SLC26A7: variants seen among roughly 807,000 people sequenced by gnomAD.
SLC26A7 encodes anion exchange transporter.
A neutral mutation model predicts 82.5 loss-of-function variants in SLC26A7; 59 were observed. The observed-to-expected ratio is 0.72, with a 90% CI of 0.58 to 0.89. SLC26A7 has a LOEUF of 0.89. Ranked by LOEUF, SLC26A7 falls within the 40% of genes least tolerant of loss-of-function variation. The probability of loss-of-function intolerance (pLI) is 0.00; values close to 1 mark genes in which losing one functional copy is unlikely to be tolerated. For synonymous variants in SLC26A7, 271 were observed against 274.3 expected (o/e 0.99, Z 0.12); for missense variants, 820 against 793.0 (o/e 1.03, Z -0.41).
chr8:91,327,212 GT>G (rs1812958068), intron 5 of SLC26A7, among the ~76,000 whole-genome samples: 1 of 151,980 alleles, frequency 6.6e-6, no homozygotes, highest in South Asian at 2.1e-4. Flanking sequence ...TTTTTTGTTT[GT>G]TTGTTGGTTT....
chr8:91,222,248 T>A (rs1467808299), intron 2 of SLC26A7, among the ~76,000 whole-genome samples: 1 of 152,178 alleles, frequency 6.6e-6, no homozygotes, highest in Non-Finnish European at 1.5e-5. Context: ...TGAAGTTGCT[T>A]ATCAGTTCAA....
intron 18 of SLC26A7, 131 bp from the exon 19 acceptor site, chr8:91,394,931 T>A (rs11986042): frequency 0.028 from 29,644 of 1,069,676 alleles, 494 homozygotes; most frequent in Middle Eastern, 0.034. Context: ...TCTACTCTGA[T>A]GCCTCATAAA....
chr8:91,320,398 A>G (rs1349110618), intron 5 of SLC26A7, among the ~76,000 whole-genome samples: 2 of 152,228 alleles, frequency 1.3e-5, no homozygotes, highest in Non-Finnish European at 2.9e-5. Context: ...TTGATGGAAA[A>G]TGGAAAAAAA....
chr8:91,362,530 A>C (rs1814078891), intron 12 of SLC26A7, 71 bp downstream of exon 12: 4 of 1,098,726 alleles, frequency 3.6e-6, no homozygotes, highest in Non-Finnish European at 5.4e-6. Context: ...GCCATATGGT[A>C]CTTGCTAGTT....
chr8:91,320,670 A>G (rs1812766159), intron 5 of SLC26A7, among the ~76,000 whole-genome samples: 1 of 152,184 alleles, frequency 6.6e-6, no homozygotes, highest in Non-Finnish European at 1.5e-5. Flanking sequence ...TTTAAGTGTT[A>G]CATAAAGAAG....
At chr8:91,366,507 AC>A in intron 13 of SLC26A7, 72 bp from the exon 14 acceptor site, 3 of 1,492,376 alleles carry the variant, frequency 2.0e-6, no homozygotes, top group Non-Finnish European at 1.8e-6. Flanking sequence ...AAATTGAGTG[AC>A]ATTTAGATCT....
At chr8:91,251,982 A>T (rs901161976) in intron 2 of SLC26A7, among the ~76,000 whole-genome samples, 1 of 152,172 alleles carries the variant, frequency 6.6e-6, no homozygotes, top group Non-Finnish European at 1.5e-5. Flanking sequence ...TAGGATACAG[A>T]GTAAGGAAGG....
At chr8:91,296,868 G>A (rs1812030997) in intron 4 of SLC26A7, among the ~76,000 whole-genome samples, 1 of 152,080 alleles carries the variant, frequency 6.6e-6, no homozygotes, top group Non-Finnish European at 1.5e-5. Context: ...TCTGAGGCTT[G>A]CACAGACAGG....
intron 11 of SLC26A7, among the ~76,000 whole-genome samples, 193 bp from the exon 12 acceptor site, chr8:91,362,160 C>T (rs1348466155): frequency 1.3e-5 from 2 of 152,034 alleles, no homozygotes; most frequent in African/African-American, 4.8e-5. Context: ...CCCACCTTTG[C>T]TGCTGAGAGT....
intron 4 of SLC26A7, among the ~76,000 whole-genome samples, chr8:91,300,578 T>C (rs1812138093): frequency 1.3e-5 from 2 of 152,198 alleles, no homozygotes; most frequent in South Asian, 2.1e-4. Flanking sequence ...TTTGTATTTT[T>C]AGTAGAGACG....
intron 9 of SLC26A7, among the ~76,000 whole-genome samples, chr8:91,343,714 T>G (rs2130845674): frequency 6.6e-6 from 1 of 152,340 alleles, no homozygotes; most frequent in African/African-American, 2.4e-5. Flanking sequence ...GTTAGCAACC[T>G]TAGAGGCCAA....
intron 15 of SLC26A7, among the ~76,000 whole-genome samples, chr8:91,370,913 AG>A (rs1814340480): frequency 6.6e-6 from 1 of 151,920 alleles, no homozygotes; most frequent in Non-Finnish European, 1.5e-5. Context: ...TCTTCTAAGT[AG>A]GTAGAGATAA....
Position 91,334,456 on chromosome 8 carries a change from A to G in SLC26A7, c.795+9A>G, listed in dbSNP as rs200303886. 55 of 1,607,346 alleles carry G rather than the reference A, an allele frequency of 3.4e-5. No individual in the cohort carries two copies. The highest frequency in any genetic ancestry group is 8.4e-5 in the Admixed American group (5 of 59,278). Reference sequence around the variant, plus strand: ...CTGTAGATTTAGTTTTGGTAAGTATAAAATCAACATTTAGCTTTTTGCCAT... The same window carrying G: ...CTGTAGATTTAGTTTTGGTAAGTATGAAATCAACATTTAGCTTTTTGCCAT... On this transcript the variant is annotated intron_variant, in intron 6 of 18. Transcript: ENST00000276609.
At chr8:91,388,210 A>G (rs577233903) in intron 15 of SLC26A7, among the ~76,000 whole-genome samples, 1 of 152,154 alleles carries the variant, frequency 6.6e-6, no homozygotes, top group East Asian at 1.9e-4. Context: ...GACTCACTGC[A>G]AGCTCCACCT....
intron 9 of SLC26A7, 140 bp downstream of exon 9, chr8:91,343,606 G>A (rs1813480078): frequency 1.7e-6 from 1 of 574,762 alleles, no homozygotes; most frequent in Middle Eastern, 3.9e-4. Flanking sequence ...TTTTAAGAAA[G>A]TCCTTCTCTC....
chr8:91,325,323 T>C (rs1161963131), intron 5 of SLC26A7, among the ~76,000 whole-genome samples: 1 of 152,136 alleles, frequency 6.6e-6, no homozygotes, highest in African/African-American at 2.4e-5. Context: ...TTCTAGGAAG[T>C]GACTAAGTTT....
rs542470346 is a variant in SLC26A7, at chr8:91,368,313, C to T, written c.1627-1472C>T. Among the ~76,000 whole-genome samples the T allele has an allele frequency of 9.2e-5, 14 of 152,296 alleles. No individual in the cohort carries two copies. In the South Asian group the frequency reaches 2.9e-3, roughly 32 times the overall value. On this transcript the variant is annotated intron_variant, in intron 14 of 18. Transcript: ENST00000276609. ...TCTGGAAGAAAGTCACTGTGTGCAG[C>T]CTACACTTAAGAAGCGTGGAATTAT...
chr8:91,249,572 T>C lies in SLC26A7; in HGVS notation c.-80T>C. The C allele has an allele frequency of 8.6e-7, 1 of 1,156,528 alleles. No individual in the cohort carries two copies. The highest frequency in any genetic ancestry group is 3.2e-5 in the Admixed American group (1 of 31,030). The allele number at this position is 1,156,528 out of a possible 1,614,324, so 71.6% of individuals were successfully genotyped here. A position where few individuals can be genotyped will look rare whatever the true frequency, so the allele number is the denominator to read the frequency against. ...TTGTAAACCACAGACGAATTGGAGC[T>C]TGGCATTGAAAGGAGGTGTTCTGCA... is the stretch of plus-strand genomic sequence containing the variant. On this transcript the variant is annotated 5_prime_UTR_variant, in exon 2 of 19. Coordinates refer to ENST00000276609, the MANE Select transcript of SLC26A7 (RefSeq NM_052832.4).
intron 4 of SLC26A7, among the ~76,000 whole-genome samples, chr8:91,296,592 T>C (rs549344052): frequency 5.5e-4 from 84 of 152,338 alleles, no homozygotes; most frequent in African/African-American, 2.0e-3. Context: ...ATTAAAATTC[T>C]TAGAGTTACA....
Sources: gnomAD v4.1 joint callset for allele counts (sites outside exome capture counted in the v4.1 genomes callset) on GRCh38, gnomAD v4.1.1 for gene constraint, MANE v1.5 for transcripts, NCBI Gene and HGNC (gene_info 2026-07-23, HGNC 2026-07-21) for gene names.